Variants in ASPH observed in about 807,000 individuals in gnomAD.
The protein encoded by ASPH is aspartate beta-hydroxylase, also known as aspartyl/asparaginyl beta-hydroxylase.
A neutral mutation model predicts 118.4 loss-of-function variants in ASPH; 100 were observed. The ratio of observed to expected loss-of-function variants is 0.84; its 90% CI spans 0.72 to 1.00. The LOEUF (loss-of-function observed/expected upper bound fraction) is 1.00, where lower values mean the gene tolerates loss of function less well. ASPH is among the 50% of genes least tolerant of loss of function. The pLI is 0.00. For missense variants in ASPH, 920 were observed against 919.5 expected (o/e 1.00, Z -0.01); for synonymous variants, 315 against 325.6 (o/e 0.97, Z 0.35).
intron 3 of ASPH, among the ~76,000 whole-genome samples, chr8:61,677,469 C>T (rs916072190): frequency 5.3e-5 from 8 of 151,786 alleles, no homozygotes; most frequent in African/African-American, 1.7e-4. Context: ...CACACAATGT[C>T]TCCATGTAGT....
Position 61,644,584 on chromosome 8 carries a change from T to G in ASPH, c.652+16A>C, listed in dbSNP as rs1184484336. On this transcript the variant is annotated intron_variant, in intron 7 of 24. Transcript: ENST00000379454. ...GACTCACTCTAATTAAGAACAGAAT[T>G]AAATTAAAATCTCACCTGTCTCTTC... 4 of 1,571,426 alleles carry G rather than the reference T, an allele frequency of 2.5e-6. No individual in the cohort carries two copies. The highest frequency in any genetic ancestry group is 2.7e-5 in the African/African-American group (2 of 73,280).
intron 14 of ASPH, among the ~76,000 whole-genome samples, chr8:61,615,195 A>G (rs1848631130): frequency 6.6e-6 from 1 of 152,042 alleles, no homozygotes; most frequent in South Asian, 2.1e-4. Context: ...CCTCCTTGTT[A>G]GGCCTCAAAC....
chr8:61,686,613 C>G (rs748597440), intron 1 of ASPH, among the ~76,000 whole-genome samples: 2 of 152,120 alleles, frequency 1.3e-5, no homozygotes, highest in Non-Finnish European at 2.9e-5. Context: ...CATATGCGTA[C>G]AAATCCATTT....
chr8:61,643,835 A>T, intron 8 of ASPH, 110 bp downstream of exon 8: 1 of 821,648 alleles, frequency 1.2e-6, no homozygotes, highest in Non-Finnish European at 2.0e-6. Context: ...GATTATAAAT[A>T]CCATACAGGG....
chr8:61,504,820 A>T (rs941663865), intron 24 of ASPH, among the ~76,000 whole-genome samples: 10 of 152,328 alleles, frequency 6.6e-5, no homozygotes, highest in African/African-American at 2.4e-4. Context: ...AATAACTGAC[A>T]TACTGAATAA....
At chr8:61,714,173 T>C in intron 1 of ASPH, 96 bp downstream of exon 1, 3 of 1,272,736 alleles carry the variant, frequency 2.4e-6, no homozygotes, top group Non-Finnish European at 3.0e-6. Context: ...CGGCGCGCGG[T>C]GGGACCTGGG....
Position 61,551,195 on chromosome 8 carries a change from G to A in ASPH, c.1626+1836C>T, listed in dbSNP as rs528371988. On this transcript the variant is annotated intron_variant, in intron 20 of 24. Coordinates refer to ENST00000379454, the MANE Select transcript of ASPH (RefSeq NM_004318.4). Reference sequence around the variant, plus strand: ...TGCAGACCCTCATGGTTTGTCCCCCGTCTTCCTGCCCATACTAAACGGACC... The same window carrying A: ...TGCAGACCCTCATGGTTTGTCCCCCATCTTCCTGCCCATACTAAACGGACC... Among the ~76,000 whole-genome samples, 5 of 152,170 alleles carry A rather than the reference G, an allele frequency of 3.3e-5. No individual in the cohort carries two copies. The South Asian group carries it at 8.3e-4, about 25-fold the overall frequency.
At chr8:61,545,754 C>G (rs1257655481) in intron 21 of ASPH, among the ~76,000 whole-genome samples, 1 of 152,204 alleles carries the variant, frequency 6.6e-6, no homozygotes, top group Non-Finnish European at 1.5e-5. Flanking sequence ...TGAGCGTCCA[C>G]CTTCCTCCAG....
At chr8:61,604,037 C>T (rs1028862753) in intron 14 of ASPH, among the ~76,000 whole-genome samples, 4 of 152,150 alleles carry the variant, frequency 2.6e-5, no homozygotes, top group African/African-American at 9.7e-5. Context: ...AGTACAGGGA[C>T]ATGGATAGTT....
intron 3 of ASPH, chr8:61,663,194 T>C: frequency 1.0e-6 from 1 of 985,402 alleles, no homozygotes; most frequent in East Asian, 1.1e-4. Context: ...TGTCCAGTTT[T>C]CAAAGCCTCA....
At chr8:61,618,592 A>G (rs1231881462) in intron 14 of ASPH, among the ~76,000 whole-genome samples, 1 of 152,178 alleles carries the variant, frequency 6.6e-6, no homozygotes, top group Non-Finnish European at 1.5e-5. Context: ...AGTGCTTTCT[A>G]TGTTAGCTAT....
intron 18 of ASPH, among the ~76,000 whole-genome samples, chr8:61,561,448 G>A (rs1168959784): frequency 6.6e-6 from 1 of 152,112 alleles, no homozygotes; most frequent in Admixed American, 6.5e-5. Flanking sequence ...AAAAGCAAAG[G>A]TCTTATTTCT....
intron 3 of ASPH, among the ~76,000 whole-genome samples, chr8:61,672,995 T>C (rs2151478817): frequency 6.6e-6 from 1 of 152,374 alleles, no homozygotes; most frequent in South Asian, 2.1e-4. Flanking sequence ...AATAACTGGC[T>C]GTGCTAGATC....
In ASPH at chr8:61,642,609, T is replaced by C. The variant is rs145751204; in HGVS notation, c.790+279A>G. On this transcript the variant is annotated intron_variant, in intron 10 of 24. Coordinates refer to ENST00000379454, the MANE Select transcript of ASPH (RefSeq NM_004318.4). Reference sequence around the variant, plus strand: ...GGCCGGGCGCAGTGGCTCATGCCTGTAGTCCTAGCACTTTGGGAGGCCAAG... The same window carrying C: ...GGCCGGGCGCAGTGGCTCATGCCTGCAGTCCTAGCACTTTGGGAGGCCAAG... Among the ~76,000 whole-genome samples, 1,013 of 152,316 alleles carry C rather than the reference T, an allele frequency of 6.7e-3. 13 individuals are homozygous for C. The highest frequency in any genetic ancestry group is 0.024 in the African/African-American group (978 of 41,570).
chr8:61,510,729 T>C (rs1310052992), intron 24 of ASPH, among the ~76,000 whole-genome samples: 1 of 152,186 alleles, frequency 6.6e-6, no homozygotes, highest in Admixed American at 6.5e-5. Context: ...ACTCACCAAG[T>C]TGCTCAAATG....
chr8:61,542,420 G>C (rs1020036439), intron 21 of ASPH, among the ~76,000 whole-genome samples: 8 of 152,036 alleles, frequency 5.3e-5, no homozygotes, highest in Admixed American at 3.9e-4. Flanking sequence ...CTGGGCACTA[G>C]AATTAATACC....
intron 14 of ASPH, among the ~76,000 whole-genome samples, chr8:61,611,438 GA>G (rs1303310525): frequency 6.6e-6 from 1 of 152,220 alleles, no homozygotes; most frequent in Non-Finnish European, 1.5e-5. Context: ...AATAGACAGA[GA>G]ACTACACAGA....
At chr8:61,607,784 G>T (rs981098090) in intron 14 of ASPH, among the ~76,000 whole-genome samples, 7 of 152,052 alleles carry the variant, frequency 4.6e-5, no homozygotes, top group African/African-American at 1.7e-4. Flanking sequence ...TTATTATTAG[G>T]GTTATGTTTT....
chr8:61,626,177 C>T, intron 13 of ASPH: 1 of 1,356,322 alleles, frequency 7.4e-7, no homozygotes, highest in Non-Finnish European at 9.5e-7. Context: ...TCTTGATCTG[C>T]TCAGTAATTG....
Sources: gnomAD v4.1 joint callset for allele counts (sites outside exome capture counted in the v4.1 genomes callset) on GRCh38, gnomAD v4.1.1 for gene constraint, MANE v1.5 for transcripts, NCBI Gene and HGNC (gene_info 2026-07-23, HGNC 2026-07-21) for gene names.